The following ZFYVE9 variants were observed in gnomAD, a reference collection of about 807,000 sequenced individuals.
The protein encoded by ZFYVE9 is zinc finger FYVE-type containing 9.
A neutral mutation model predicts 126.7 loss-of-function variants in ZFYVE9; 43 were observed. That is an observed-to-expected ratio of 0.34 (90% CI 0.27 to 0.44). The LOEUF is 0.44. ZFYVE9 is among the 20% of genes least tolerant of loss of function. The probability of loss-of-function intolerance (pLI) is 1.00; values close to 1 mark genes in which losing one functional copy is unlikely to be tolerated. For synonymous variants in ZFYVE9, 521 were observed against 597.4 expected, an observed-to-expected ratio of 0.87 and a Z score of 1.87; for missense variants, 1,476 against 1,697.0, an observed-to-expected ratio of 0.87 and a Z score of 2.29.
chr1:52,256,485 T>G (rs988932122), intron 4 of ZFYVE9, among the ~76,000 whole-genome samples: 1 of 151,838 alleles, frequency 6.6e-6, no homozygotes, highest in Non-Finnish European at 1.5e-5. Flanking sequence ...TAAGCAATTT[T>G]CCTTGCCTCA....
At chr1:52,227,332 CT>C in intron 2 of ZFYVE9, among the ~76,000 whole-genome samples, 1 of 149,912 alleles carries the variant, frequency 6.7e-6, no homozygotes, top group Non-Finnish European at 1.5e-5. Flanking sequence ...TCTTTTCTGC[CT>C]TCACTTGCCA....
intron 1 of ZFYVE9, among the ~76,000 whole-genome samples, chr1:52,208,610 C>A (rs992704645): frequency 1.3e-5 from 2 of 152,046 alleles, no homozygotes; most frequent in East Asian, 1.9e-4. Context: ...CTTGGCCCAC[C>A]GCAACCTCTG....
chr1:52,147,003 A>G (rs993526689), intron 1 of ZFYVE9, among the ~76,000 whole-genome samples: 4 of 152,160 alleles, frequency 2.6e-5, no homozygotes, highest in South Asian at 4.1e-4. Flanking sequence ...GCCTGATCTC[A>G]TGTGATGGGT....
intron 1 of ZFYVE9, among the ~76,000 whole-genome samples, chr1:52,169,557 C>G (rs1019536175): frequency 1.3e-5 from 2 of 152,088 alleles, no homozygotes; most frequent in Admixed American, 1.3e-4. Flanking sequence ...CAGGTTTTGC[C>G]TGTTTACTTG....
chr1:52,302,450 T>C (rs544914344), intron 12 of ZFYVE9, among the ~76,000 whole-genome samples: 1 of 152,286 alleles, frequency 6.6e-6, no homozygotes, highest in Admixed American at 6.5e-5. Context: ...GATTTTCCTT[T>C]AAAATATGTC....
rs1366051159 is a variant in ZFYVE9 at position 52,337,917 on chromosome 1, C to T, written c.3816C>T (p.Asp1272=). 6.2e-7 allele frequency: 1 copy of T among 1,614,186 alleles called. No individual in the cohort carries two copies. The highest frequency in any genetic ancestry group is 1.7e-5 in the Admixed American group (1 of 60,024). The change falls in exon 16 of 19, where the codon GAC becomes GAT. Residue 1272 remains aspartate, a synonymous_variant. Transcript: ENST00000287727. Reference sequence around the variant, plus strand: ...TCCACATCCAGTGGGTGGATGATGACAAGAACGTTAGCAAGGGGTAAATGC... The same window carrying T: ...TCCACATCCAGTGGGTGGATGATGATAAGAACGTTAGCAAGGGGTAAATGC... ...EHIHIQWVDD[D]KNVSKGVVSP...
intron 1 of ZFYVE9, among the ~76,000 whole-genome samples, chr1:52,147,524 C>T (rs778971072): frequency 5.3e-5 from 8 of 152,142 alleles, no homozygotes; most frequent in Non-Finnish European, 1.0e-4. Context: ...TCTTACTTAG[C>T]ATAATAGTTT....
chr1:52,180,975 C>CTAA (rs1644694517), intron 1 of ZFYVE9, among the ~76,000 whole-genome samples: 1 of 53,284 alleles, frequency 1.9e-5, no homozygotes, highest in Non-Finnish European at 3.8e-5. Context: ...AACTCCGTCT[C>CTAA]AAAAAAAAAA....
chr1:52,242,641 ATG>A (rs1158100367), intron 4 of ZFYVE9, among the ~76,000 whole-genome samples: 2 of 152,168 alleles, frequency 1.3e-5, no homozygotes, highest in African/African-American at 4.8e-5. Flanking sequence ...TAAATTAGTC[ATG>A]TGTATTGTTC....
intron 1 of ZFYVE9, among the ~76,000 whole-genome samples, chr1:52,166,866 A>G (rs1381129435): frequency 6.6e-6 from 1 of 152,080 alleles, no homozygotes; most frequent in African/African-American, 2.4e-5. Flanking sequence ...ATGCCACTGC[A>G]CTCCAGCCTG....
chr1:52,156,111 A>G (rs1644401060), intron 1 of ZFYVE9, among the ~76,000 whole-genome samples: 1 of 152,220 alleles, frequency 6.6e-6, no homozygotes, highest in African/African-American at 2.4e-5. Context: ...GAGTTAACAT[A>G]GCCCCAAAGC....
At chr1:52,285,249 T>C (rs1645846614) in intron 10 of ZFYVE9, among the ~76,000 whole-genome samples, 1 of 152,146 alleles carries the variant, frequency 6.6e-6, no homozygotes, top group Non-Finnish European at 1.5e-5. Context: ...AAGAACCTTA[T>C]TTTTAGATAA....
At chr1:52,316,851 T>G (rs1646190337) in intron 13 of ZFYVE9, among the ~76,000 whole-genome samples, 1 of 152,236 alleles carries the variant, frequency 6.6e-6, no homozygotes, top group Non-Finnish European at 1.5e-5. Flanking sequence ...ACTTAATTGA[T>G]TTTTATAAAA....
At chr1:52,314,032 G>T (rs980864830) in intron 13 of ZFYVE9, among the ~76,000 whole-genome samples, 1 of 151,938 alleles carries the variant, frequency 6.6e-6, no homozygotes, top group Non-Finnish European at 1.5e-5. Flanking sequence ...AAAAGGTGGT[G>T]GACCTAAAAA....
intron 1 of ZFYVE9, among the ~76,000 whole-genome samples, chr1:52,152,785 T>C (rs1644369306): frequency 6.6e-6 from 1 of 152,196 alleles, no homozygotes; most frequent in Non-Finnish European, 1.5e-5. Context: ...CATCAGTGGG[T>C]TAAATAAACA....
chr1:52,160,476 G>A (rs1330838837), intron 1 of ZFYVE9: 10 of 812,524 alleles, frequency 1.2e-5, no homozygotes, highest in Non-Finnish European at 2.0e-5. Flanking sequence ...TGGAATGGAC[G>A]AGTGGCAGTT....
intron 17 of ZFYVE9, among the ~76,000 whole-genome samples, chr1:52,342,220 A>G (rs1326748405): frequency 1.3e-5 from 2 of 151,366 alleles, no homozygotes; most frequent in East Asian, 1.9e-4. Context: ...AGGGGTTGCT[A>G]TATAGAAACA....
rs569740672 is a variant in ZFYVE9 at position 52,323,062 on chromosome 1, C to G, written c.3439-9706C>G. 4.7e-4 allele frequency among the ~76,000 whole-genome samples: 71 copies of G among 152,314 alleles called. 1 individual carries two copies. The highest frequency in any genetic ancestry group is 1.6e-3 in the African/African-American group (66 of 41,574). On this transcript the variant is annotated intron_variant, in intron 13 of 18. Coordinates refer to ENST00000287727, the MANE Select transcript of ZFYVE9 (RefSeq NM_004799.4). Reference sequence around the variant, plus strand: ...CTCGTGATCCGCCCATCTTGGCCTCCCAAAGTGCTGGGACTACAGGTGTGA... The same window carrying G: ...CTCGTGATCCGCCCATCTTGGCCTCGCAAAGTGCTGGGACTACAGGTGTGA...
At chr1:52,261,162 C>T (rs1645575923) in intron 4 of ZFYVE9, among the ~76,000 whole-genome samples, 1 of 151,986 alleles carries the variant, frequency 6.6e-6, no homozygotes, top group African/African-American at 2.4e-5. Context: ...TCTTATTTCA[C>T]CATTTACCAC....
Sources: allele counts gnomAD v4.1 joint callset (sites outside exome capture counted in the v4.1 genomes callset), GRCh38; gene constraint gnomAD v4.1.1; transcripts MANE v1.5; gene names NCBI Gene and HGNC (gene_info 2026-07-23, HGNC 2026-07-21).